The following CNTNAP2 variants were observed in gnomAD, a reference collection of about 807,000 sequenced individuals.
The protein encoded by CNTNAP2 is contactin-associated protein-like 2.
A neutral mutation model predicts 155.2 loss-of-function variants in CNTNAP2; 98 were observed. The ratio of observed to expected loss-of-function variants is 0.63; its 90% CI spans 0.54 to 0.75. CNTNAP2 has a LOEUF of 0.75. CNTNAP2 is among the 30% of genes least tolerant of loss of function. The pLI, the probability that CNTNAP2 is intolerant of heterozygous loss-of-function variation, is 0.00. For synonymous variants in CNTNAP2, 651 were observed against 631.2 expected, an observed-to-expected ratio of 1.03 and a Z score of -0.47; for missense variants, 1,727 against 1,688.1, an observed-to-expected ratio of 1.02 and a Z score of -0.40.
intron 1 of CNTNAP2, among the ~76,000 whole-genome samples, chr7:146,498,452 A>G (rs1797251573): frequency 6.6e-6 from 1 of 152,164 alleles, no homozygotes; most frequent in Non-Finnish European, 1.5e-5. Flanking sequence ...GTATTTTGTG[A>G]AAAATACTTG....
intron 1 of CNTNAP2, among the ~76,000 whole-genome samples, chr7:146,330,388 G>C (rs1801165604): frequency 6.6e-6 from 1 of 152,070 alleles, no homozygotes; most frequent in Non-Finnish European, 1.5e-5. Context: ...GCATCACAAA[G>C]TTCCTGTATC....
chr7:147,351,727 CCAAG>C (rs1213676630), intron 9 of CNTNAP2, among the ~76,000 whole-genome samples: 1 of 151,676 alleles, frequency 6.6e-6, no homozygotes, highest in Non-Finnish European at 1.5e-5. Flanking sequence ...CACTAGAACT[CCAAG>C]CAAGCGTCTC....
rs1274474668 is a variant in CNTNAP2, at chr7:148,415,455, C to T, written c.3835C>T (p.Leu1279=). The change falls in exon 24 of 24, where the codon CTG becomes TTG. Residue 1279 remains leucine, a synonymous_variant. Coordinates refer to ENST00000361727, the MANE Select transcript of CNTNAP2 (RefSeq NM_014141.6). ...GGTGATTTTCACCATCCTGTGCACCCTGGTCTTCCTGATCCGGTACATGTT... is the reference window on the plus strand; with the variant it reads ...GGTGATTTTCACCATCCTGTGCACCTTGGTCTTCCTGATCCGGTACATGTT... ...AVVIFTILCT[L]VFLIRYMFRH... 1.2e-6 allele frequency: 2 copies of T among 1,614,158 alleles called. No homozygotes were observed. Among genetic ancestry groups the T allele is most frequent in the Admixed American group, 1.7e-5 (1 of 60,028 alleles).
intron 1 of CNTNAP2, among the ~76,000 whole-genome samples, chr7:146,502,065 T>G (rs959943540): frequency 6.6e-6 from 1 of 151,864 alleles, no homozygotes; most frequent in African/African-American, 2.4e-5. Flanking sequence ...AAGTGAATAT[T>G]TTTAGCATTA....
At chr7:147,546,884 A>G (rs1388855520) in intron 11 of CNTNAP2, among the ~76,000 whole-genome samples, 1 of 152,168 alleles carries the variant, frequency 6.6e-6, no homozygotes, top group East Asian at 1.9e-4. Context: ...TTTTTGGCAT[A>G]TGCATGCATG....
chr7:147,577,854 T>C (rs1053117252), intron 12 of CNTNAP2, among the ~76,000 whole-genome samples: 2 of 152,102 alleles, frequency 1.3e-5, no homozygotes, highest in African/African-American at 4.8e-5. Context: ...GTCATTGTTC[T>C]CACCACCTCT....
intron 19 of CNTNAP2, among the ~76,000 whole-genome samples, chr7:148,219,708 A>G (rs11980421): frequency 0.6 from 90,460 of 151,792 alleles, 27,451 homozygotes; most frequent in Middle Eastern, 0.69. Context: ...GGTGAGGCAC[A>G]CCTGTGGTCC....
At position 147,513,890 on chromosome 7, in the gene CNTNAP2, C is replaced by A. The variant is rs1799065834; in HGVS notation, c.1777+27849C>A. Among the ~76,000 whole-genome samples, 11 of 152,290 alleles carry A rather than the reference C, an allele frequency of 7.2e-5. 1 individual carries two copies. In the South Asian group the frequency reaches 2.3e-3, roughly 32 times the overall value. ...ATTATCAGACAAGAACAGGATCAGA[C>A]CTGGATTTTTCTGTTTTGGAAGACA... On this transcript the variant is annotated intron_variant, in intron 11 of 23. Transcript: ENST00000361727.
chr7:148,187,456 A>C (rs1795137416), intron 18 of CNTNAP2, among the ~76,000 whole-genome samples: 1 of 152,194 alleles, frequency 6.6e-6, no homozygotes, highest in African/African-American at 2.4e-5. Context: ...TTACTGATTG[A>C]TGGTTGCTGA....
intron 1 of CNTNAP2, among the ~76,000 whole-genome samples, chr7:146,611,707 A>T (rs570563533): frequency 6.6e-6 from 1 of 152,288 alleles, no homozygotes; most frequent in Non-Finnish European, 1.5e-5. Context: ...CCCTTATTAA[A>T]ACTCTGCAAG....
In CNTNAP2 at chr7:148,147,372, A is replaced by G. The variant is rs1805204778; in HGVS notation, c.2555-119A>G. ...CATTGATTTTGCCATCGACCTTTGT[A>G]GGACGTGACAGGCTTAGATGATTTT... On this transcript the variant is annotated intron_variant, in intron 16 of 23. Coordinates refer to ENST00000361727, the MANE Select transcript of CNTNAP2 (RefSeq NM_014141.6). 8.4e-6 allele frequency: 8 copies of G among 956,596 alleles called. No individual in the cohort carries two copies. In the Admixed American group the frequency reaches 1.4e-4, roughly 16 times the overall value. The allele number at this position is 956,596 out of a possible 1,614,324, so 59.3% of individuals were successfully genotyped here.
At chr7:146,585,106 T>G (rs957755311) in intron 1 of CNTNAP2, among the ~76,000 whole-genome samples, 2 of 143,402 alleles carry the variant, frequency 1.4e-5, no homozygotes, top group African/African-American at 5.1e-5. Flanking sequence ...TCTTGGTGTT[T>G]TGTTTTGTTT....
chr7:147,636,100 T>A (rs1171989665), intron 12 of CNTNAP2, among the ~76,000 whole-genome samples: 1 of 152,178 alleles, frequency 6.6e-6, no homozygotes, highest in Non-Finnish European at 1.5e-5. Context: ...TACTAAAATA[T>A]GATGTGGCTT....
intron 1 of CNTNAP2, among the ~76,000 whole-genome samples, chr7:146,526,357 A>G (rs73741731): frequency 6.6e-6 from 1 of 152,314 alleles, no homozygotes; most frequent in African/African-American, 2.4e-5. Context: ...CATGCTTTAC[A>G]GGAAGTGTGG....
intron 3 of CNTNAP2, among the ~76,000 whole-genome samples, chr7:146,933,637 C>T (rs575833573): frequency 3.4e-5 from 5 of 147,816 alleles, no homozygotes; most frequent in Non-Finnish European, 7.5e-5. Context: ...AAACTACCAT[C>T]AGAGTGAACA....
rs199529235 is a variant in CNTNAP2, at chr7:147,949,458, ATTTTTTTT to A, written c.2256-28399_2256-28392del. Among the ~76,000 whole-genome samples, 271 of 137,410 alleles carry A rather than the reference ATTTTTTTT, an allele frequency of 2.0e-3. 5 individuals carry two copies. Among genetic ancestry groups the A allele is most frequent in the African/African-American group, 7.2e-3 (263 of 36,450 alleles). The allele number at this position is 137,410 out of a possible 152,430, so 90.1% of individuals were successfully genotyped here. ...ACTGTGTGTATATATATATATATAT[ATTTTTTTT>A]TTTTAGGTTTATTGCAGGAACAAAA... On this transcript the variant is annotated intron_variant, in intron 14 of 23. Coordinates refer to ENST00000361727, the MANE Select transcript of CNTNAP2 (RefSeq NM_014141.6).
At position 148,161,323 on chromosome 7, in the gene CNTNAP2, T is replaced by A. The variant is rs138637075; in HGVS notation, c.2774-10919T>A. Reference sequence around the variant, plus strand: ...TCGCAGTGCTTGCTGTCCTCAGAGGTCCTGTCATTTCGCCTTCTGAGTTCA... The same window carrying A: ...TCGCAGTGCTTGCTGTCCTCAGAGGACCTGTCATTTCGCCTTCTGAGTTCA... On this transcript the variant is annotated intron_variant, in intron 17 of 23. Coordinates refer to ENST00000361727, the MANE Select transcript of CNTNAP2 (RefSeq NM_014141.6). Among the ~76,000 whole-genome samples the A allele has an allele frequency of 3.9e-3, 601 of 152,262 alleles. 3 individuals carry two copies. The highest frequency in any genetic ancestry group is 0.01 in the Middle Eastern group (3 of 294).
intron 13 of CNTNAP2, among the ~76,000 whole-genome samples, chr7:147,868,979 C>T (rs1446077613): frequency 6.6e-6 from 1 of 152,224 alleles, no homozygotes; most frequent in African/African-American, 2.4e-5. Flanking sequence ...GGGCTGCACC[C>T]ACTGTCCAAT....
intron 3 of CNTNAP2, among the ~76,000 whole-genome samples, chr7:146,976,362 C>T (rs779064523): frequency 6.6e-6 from 1 of 152,094 alleles, no homozygotes; most frequent in Non-Finnish European, 1.5e-5. Flanking sequence ...GGTGAGGGCT[C>T]CATCCCACAG....
Sources: gnomAD v4.1 joint callset for allele counts (sites outside exome capture counted in the v4.1 genomes callset) on GRCh38, gnomAD v4.1.1 for gene constraint, MANE v1.5 for transcripts, NCBI Gene and HGNC (gene_info 2026-07-23, HGNC 2026-07-21) for gene names.